The following PRKCQ variants were observed in gnomAD, a reference collection of about 807,000 sequenced individuals.
PRKCQ encodes protein kinase C theta, also known as protein kinase C theta type.
In PRKCQ, 41 loss-of-function variants were observed where a neutral mutation model predicts 91.2. The observed-to-expected ratio is 0.45, with a 90% CI of 0.35 to 0.58. PRKCQ has a LOEUF of 0.58. Ranked by LOEUF, PRKCQ falls within the 20% of genes least tolerant of loss-of-function variation. PRKCQ has a pLI of 0.00. For synonymous variants in PRKCQ, 307 were observed against 316.9 expected (o/e 0.97, Z 0.33); for missense variants, 673 against 896.5 (o/e 0.75, Z 3.18).
chr10:6,503,119 G>A (rs1223480173), intron 4 of PRKCQ, among the ~76,000 whole-genome samples: 1 of 152,198 alleles, frequency 6.6e-6, no homozygotes, highest in Non-Finnish European at 1.5e-5. Context: ...AGAGCAGAGT[G>A]CTGACAAAGG....
intron 15 of PRKCQ, among the ~76,000 whole-genome samples, chr10:6,449,594 T>C (rs1208167300): frequency 1.3e-5 from 2 of 151,832 alleles, no homozygotes; most frequent in African/African-American, 2.4e-5. Context: ...GCCACAAAGA[T>C]ACTCCTCGAG....
the PRKCQ span, among the ~76,000 whole-genome samples, chr10:6,403,167 C>G: frequency 6.6e-6 from 1 of 152,248 alleles, no homozygotes. Flanking sequence ...TGGTCGCTCT[C>G]ATGCCTGAAG....
downstream of PRKCQ, among the ~76,000 whole-genome samples, chr10:6,422,169 AAAT>A (rs765805569): frequency 6.6e-6 from 1 of 152,232 alleles, no homozygotes; most frequent in Non-Finnish European, 1.5e-5. Context: ...TGCAGCAATA[AAAT>A]AATAATACTA....
the PRKCQ span, among the ~76,000 whole-genome samples, chr10:6,418,334 G>T: frequency 6.6e-6 from 1 of 152,184 alleles, no homozygotes; most frequent in South Asian, 2.1e-4. Context: ...GAGCTGATAG[G>T]CAGGGCTTAG....
intron 1 of PRKCQ, among the ~76,000 whole-genome samples, chr10:6,552,001 G>A (rs1840203978): frequency 6.6e-6 from 1 of 152,144 alleles, no homozygotes; most frequent in African/African-American, 2.4e-5. Flanking sequence ...TGGCTTTTCA[G>A]TAATAGCCAT....
At chr10:6,485,089 T>G in intron 10 of PRKCQ, 63 bp downstream of exon 10, 2 of 1,389,314 alleles carry the variant, frequency 1.4e-6, no homozygotes, top group Non-Finnish European at 2.0e-6. Flanking sequence ...TCCAAGGGCA[T>G]TAGGTTAGGG....
Position 6,465,711 on chromosome 10 carries a change from CAGTG to C in PRKCQ, c.1354-1311_1354-1308del, listed in dbSNP as rs1434369556. 3.3e-5 allele frequency among the ~76,000 whole-genome samples: 5 copies of C among 152,230 alleles called. No individual in the cohort carries two copies. Among genetic ancestry groups the C allele is most frequent in the Non-Finnish European group, 7.3e-5 (5 of 68,040 alleles). On this transcript the variant is annotated intron_variant, in intron 12 of 17. Transcript: ENST00000263125. The surrounding 1 kb of genome is among the most constrained non-coding windows in gnomAD (Gnocchi z 4.4). ...TAGTAGAAACATTGTTCTGGTCTGA[CAGTG>C]AGACTCCTTGCCTGGTCACCACAGA...
At chr10:6,428,424 T>G (rs1833237046) in intron 17 of PRKCQ, 62 bp from the exon 18 acceptor site, 1 of 1,556,008 alleles carries the variant, frequency 6.4e-7, no homozygotes, top group African/African-American at 1.4e-5. Flanking sequence ...GTTCATGATC[T>G]TCACTTTTGT....
At chr10:6,443,488 A>G (rs1834080082) in intron 15 of PRKCQ, among the ~76,000 whole-genome samples, 1 of 152,200 alleles carries the variant, frequency 6.6e-6, no homozygotes, top group Non-Finnish European at 1.5e-5. Flanking sequence ...GAAAAAGGAG[A>G]AAATCTCTAC....
chr10:6,434,305 A>ATTTGTACCACAAAT (rs1212765385), intron 16 of PRKCQ, among the ~76,000 whole-genome samples: 2 of 152,132 alleles, frequency 1.3e-5, no homozygotes, highest in African/African-American at 4.8e-5. Flanking sequence ...TCTTCCAGTG[A>ATTTGTACCACAAAT]ACATGTGGTA....
At chr10:6,523,396 A>G (rs1332187787) in intron 1 of PRKCQ, among the ~76,000 whole-genome samples, 1 of 152,182 alleles carries the variant, frequency 6.6e-6, no homozygotes, top group Non-Finnish European at 1.5e-5. Context: ...GGCTGCAGTG[A>G]GCTGTGATTG....
At chr10:6,404,187 G>C in the PRKCQ span, among the ~76,000 whole-genome samples, 1 of 136,172 alleles carries the variant, frequency 7.3e-6, no homozygotes, top group Admixed American at 8.2e-5. Context: ...ATCCTTTAAT[G>C]GCATTAAAGA....
rs573789894 is a variant in PRKCQ at position 6,430,783 on chromosome 10, C to A, written c.1965+27G>T. ...CTGAGCGGAGGGAGAGTGGCTGACA[C>A]CAAGCGGCCCATGAGCGAGTCCTTA... On this transcript the variant is annotated intron_variant, in intron 17 of 17. Coordinates refer to ENST00000263125, the MANE Select transcript of PRKCQ (RefSeq NM_006257.5). The surrounding 1 kb of genome is among the most constrained non-coding windows in gnomAD (Gnocchi z 4.7). The A allele has an allele frequency of 1.9e-6, 3 of 1,609,178 alleles. No individual in the cohort carries two copies. The highest frequency in any genetic ancestry group is 3.3e-5 in the Admixed American group (2 of 59,740).
chr10:6,492,124 T>C (rs73607015), intron 7 of PRKCQ, among the ~76,000 whole-genome samples: 12,892 of 152,086 alleles, frequency 0.085, 826 homozygotes, highest in African/African-American at 0.18. Context: ...TTTTAAAAAG[T>C]GCTAAGGAAA....
intron 1 of PRKCQ, among the ~76,000 whole-genome samples, chr10:6,573,588 G>A (rs561384354): frequency 8.5e-5 from 13 of 152,154 alleles, no homozygotes; most frequent in African/African-American, 3.1e-4. Context: ...AGAATATATT[G>A]CCATAGTTTG....
At chr10:6,527,505 C>T (rs1839240732) in intron 1 of PRKCQ, among the ~76,000 whole-genome samples, 1 of 152,162 alleles carries the variant, frequency 6.6e-6, no homozygotes, top group Non-Finnish European at 1.5e-5. Flanking sequence ...AACCTATCCT[C>T]ACTCCTCATC....
the PRKCQ span, among the ~76,000 whole-genome samples, chr10:6,411,594 T>G: frequency 6.6e-6 from 1 of 152,260 alleles, no homozygotes; most frequent in Non-Finnish European, 1.5e-5. Flanking sequence ...AACCCTGTTC[T>G]GTAAGTAAAG....
At chr10:6,526,773 T>A (rs1426195580) in intron 1 of PRKCQ, among the ~76,000 whole-genome samples, 2 of 151,846 alleles carry the variant, frequency 1.3e-5, no homozygotes, top group Admixed American at 1.3e-4. Flanking sequence ...GCCCGAGGGG[T>A]CTACGTGCTG....
At chr10:6,405,707 C>T in the PRKCQ span, among the ~76,000 whole-genome samples, 1 of 152,208 alleles carries the variant, frequency 6.6e-6, no homozygotes, top group Non-Finnish European at 1.5e-5. Flanking sequence ...TTATCCTGCT[C>T]TTTGCAAATG....
Sources: gnomAD v4.1 joint callset for allele counts (sites outside exome capture counted in the v4.1 genomes callset) on GRCh38, gnomAD v4.1.1 for gene constraint, Gnocchi (gnomAD v3.1) non-coding constraint, MANE v1.5 for transcripts, NCBI Gene and HGNC (gene_info 2026-07-23, HGNC 2026-07-21) for gene names.